The following SPATA6 variants were observed in gnomAD, a reference collection of about 807,000 sequenced individuals.
The protein encoded by SPATA6 is spermatogenesis-associated protein 6.
In SPATA6, 56 loss-of-function variants were observed where a neutral mutation model predicts 65.3. The observed-to-expected ratio is 0.86, with a 90% CI of 0.69 to 1.07. The LOEUF (loss-of-function observed/expected upper bound fraction) is 1.07. Ranked by LOEUF, SPATA6 falls within the 50% of genes least tolerant of loss-of-function variation. The pLI is 0.00. For synonymous variants in SPATA6, 199 were observed against 213.2 expected, an observed-to-expected ratio of 0.93 and a Z score of 0.58; for missense variants, 590 against 594.8, an observed-to-expected ratio of 0.99 and a Z score of 0.08.
intron 11 of SPATA6, chr1:48,325,380 G>T: frequency 7.3e-7 from 1 of 1,378,832 alleles, no homozygotes; most frequent in Non-Finnish European, 1.0e-6. Flanking sequence ...CCTTCTCCCT[G>T]ATTCCTCCAG....
chr1:48,295,310 A>G, downstream of SPATA6: 1 of 152,186 alleles, frequency 6.6e-6, no homozygotes, highest in East Asian at 1.9e-4. Context: ...GCAGCATTTC[A>G]GAATACCTAA....
At chr1:48,399,667 A>C (rs754664711) in intron 6 of SPATA6, 23 bp from the exon 7 acceptor site, 2 of 1,535,788 alleles carry the variant, frequency 1.3e-6, no homozygotes, top group East Asian at 2.3e-5. Context: ...AATAAAAATT[A>C]ACTTGGTCAA....
chr1:48,457,087 CT>C (rs146325862), intron 1 of SPATA6, among the ~76,000 whole-genome samples: 2,473 of 151,538 alleles, frequency 0.016, 82 homozygotes, highest in African/African-American at 0.057. Flanking sequence ...AAATTTAAAA[CT>C]TTTTAAAAGA....
chr1:48,289,437 CT>C, the SPATA6 span, among the ~76,000 whole-genome samples: 1 of 152,214 alleles, frequency 6.6e-6, no homozygotes, highest in African/African-American at 2.4e-5. Flanking sequence ...CTCAGAGAGT[CT>C]CTTCTCCTCC....
chr1:48,300,196 CAT>C (rs1426936159), intron 12 of SPATA6, among the ~76,000 whole-genome samples: 1 of 152,158 alleles, frequency 6.6e-6, no homozygotes, highest in Admixed American at 6.5e-5. Flanking sequence ...ATTTTACTAA[CAT>C]AAATTCCGGA....
chr1:48,325,975 A>C (rs1037014468), intron 11 of SPATA6: 146 of 243,690 alleles, frequency 6.0e-4, no homozygotes, highest in Non-Finnish European at 5.7e-4. Flanking sequence ...TATCCCAAAT[A>C]AGTAATACTT....
chr1:48,303,751 G>A (rs773799673), intron 12 of SPATA6, among the ~76,000 whole-genome samples: 3 of 152,128 alleles, frequency 2.0e-5, no homozygotes, highest in Non-Finnish European at 4.4e-5. Context: ...TCAATATGCT[G>A]ATTTCCTTTC....
At chr1:48,334,614 G>A (rs1646008874) in intron 11 of SPATA6, among the ~76,000 whole-genome samples, 1 of 152,052 alleles carries the variant, frequency 6.6e-6, no homozygotes. Flanking sequence ...AAAGAAACTT[G>A]GCATTGAAGG....
chr1:48,384,421 A>G lies in SPATA6; in HGVS notation c.909+888T>C, dbSNP rs369537800. 1.4e-3 allele frequency among the ~76,000 whole-genome samples: 162 copies of G among 115,960 alleles called. No individual in the cohort carries two copies. In the South Asian group the frequency reaches 0.014, roughly 10 times the overall value. The allele number at this position is 115,960 out of a possible 152,430, so 76.1% of individuals were successfully genotyped here. A position where few individuals can be genotyped will look rare whatever the true frequency, so the allele number is the denominator to read the frequency against. ...GAGAGGGAGAGGGAGAGGGAGAGGG[A>G]GAGGGGTTTTTCTTTTGTTTTCCCA... On this transcript the variant is annotated intron_variant, in intron 9 of 12. Coordinates refer to ENST00000371847, the MANE Select transcript of SPATA6 (RefSeq NM_019073.4).
intron 10 of SPATA6, among the ~76,000 whole-genome samples, chr1:48,357,964 C>T (rs914702851): frequency 6.6e-6 from 1 of 151,970 alleles, no homozygotes; most frequent in African/African-American, 2.4e-5. Context: ...ATTACCTAAC[C>T]TTCCTCAAGT....
intron 3 of SPATA6, among the ~76,000 whole-genome samples, chr1:48,447,175 C>T (rs368076988): frequency 2.0e-5 from 3 of 151,800 alleles, no homozygotes; most frequent in African/African-American, 7.3e-5. Flanking sequence ...TTATTGGTAA[C>T]GCTTCTGGTC....
chr1:48,436,068 G>A (rs1476027363), intron 3 of SPATA6: 29 of 1,609,598 alleles, frequency 1.8e-5, no homozygotes, highest in Admixed American at 1.2e-4. Flanking sequence ...TGGTTGATGA[G>A]CCAACCCTTT....
At chr1:48,340,970 C>G (rs1234068962) in intron 11 of SPATA6, among the ~76,000 whole-genome samples, 2 of 152,138 alleles carry the variant, frequency 1.3e-5, no homozygotes, top group East Asian at 3.9e-4. Flanking sequence ...CTTTCTAAAC[C>G]TATATGTATC....
At chr1:48,423,884 T>A (rs555893061) in intron 3 of SPATA6, among the ~76,000 whole-genome samples, 1 of 152,290 alleles carries the variant, frequency 6.6e-6, no homozygotes, top group Admixed American at 6.5e-5. Context: ...ACATACATAG[T>A]ACATGTATAT....
downstream of SPATA6, among the ~76,000 whole-genome samples, chr1:48,292,367 T>A: frequency 6.6e-6 from 1 of 152,220 alleles, no homozygotes; most frequent in East Asian, 1.9e-4. Context: ...GGCAACTATG[T>A]TGTCCTCAGC....
chr1:48,299,383 G>T (rs560185851), intron 12 of SPATA6, among the ~76,000 whole-genome samples: 1 of 151,442 alleles, frequency 6.6e-6, no homozygotes, highest in Non-Finnish European at 1.5e-5. Context: ...GGATGGTGGC[G>T]CTTGCCTATA....
intron 6 of SPATA6, 87 bp from the exon 7 acceptor site, chr1:48,399,731 T>C: frequency 1.6e-6 from 2 of 1,261,478 alleles, no homozygotes; most frequent in Non-Finnish European, 2.1e-6. Flanking sequence ...GTAATTTAAA[T>C]AAGACGCAAA....
In SPATA6 at chr1:48,336,200, A is replaced by G. The variant is rs373704332; in HGVS notation, c.1194+19470T>C. On this transcript the variant is annotated intron_variant, in intron 11 of 12. Coordinates refer to ENST00000371847, the MANE Select transcript of SPATA6 (RefSeq NM_019073.4). Reference sequence around the variant, plus strand: ...GCTGGCTGGAGTGTAAATTAGTTCAACCATTGTGAAAGACAGTATGGTGAC... The same window carrying G: ...GCTGGCTGGAGTGTAAATTAGTTCAGCCATTGTGAAAGACAGTATGGTGAC... 2.6e-5 allele frequency among the ~76,000 whole-genome samples: 4 copies of G among 152,072 alleles called. No individual in the cohort carries two copies. The East Asian group carries it at 7.7e-4, about 29-fold the overall frequency.
chr1:48,391,623 C>T (rs555469011), intron 8 of SPATA6, among the ~76,000 whole-genome samples: 1 of 152,186 alleles, frequency 6.6e-6, no homozygotes, highest in East Asian at 1.9e-4. Context: ...ATCACCCTCA[C>T]CACCAATTAG....
Sources: allele counts gnomAD v4.1 joint callset (sites outside exome capture counted in the v4.1 genomes callset), GRCh38; gene constraint gnomAD v4.1.1; transcripts MANE v1.5; gene names NCBI Gene and HGNC (gene_info 2026-07-23, HGNC 2026-07-21).